The following AMY2B variants were observed in gnomAD, a reference collection of about 807,000 sequenced individuals.
AMY2B encodes the protein amylase alpha 2B.
In AMY2B, 63 loss-of-function variants were observed where a neutral mutation model predicts 59.3. The observed-to-expected ratio is 1.06, with a 90% CI of 0.87 to 1.31. The LOEUF (loss-of-function observed/expected upper bound fraction) is 1.31. AMY2B is among the 50% of genes most tolerant of loss of function. The probability of loss-of-function intolerance (pLI) is 0.00; values close to 1 mark genes in which losing one functional copy is unlikely to be tolerated. For missense variants in AMY2B, 635 were observed against 626.7 expected, an observed-to-expected ratio of 1.01 and a Z score of -0.14; for synonymous variants, 180 against 198.1, an observed-to-expected ratio of 0.91 and a Z score of 0.77.
chr1:103,567,830 T>G (rs1651961195), upstream of AMY2B, among the ~76,000 whole-genome samples: 1 of 152,210 alleles, frequency 6.6e-6, no homozygotes, highest in African/African-American at 2.4e-5. Context: ...CACACTGATT[T>G]CTTTTTAATG....
intron 7 of AMY2B, chr1:103,575,768 G>C: frequency 4.3e-5 from 22 of 514,466 alleles, no homozygotes; most frequent in Non-Finnish European, 4.9e-5. Context: ...CATCCCCCTA[G>C]CCCACAGGAA....
chr1:103,565,611 A>T (rs1189419463), intron 2 of AMY2B: 1 of 152,162 alleles, frequency 6.6e-6, no homozygotes, highest in Non-Finnish European at 1.5e-5. Flanking sequence ...TCACAACACA[A>T]TGTATGATCT....
At chr1:103,570,210 C>CAA, upstream of AMY2B, 1 of 508,814 alleles carries the variant, frequency 2.0e-6, no homozygotes, top group Non-Finnish European at 3.9e-6. Context: ...GCTATGTTGC[C>CAA]CTGGACTTTG....
chr1:103,572,028 T>C (rs1652154158), intron 1 of AMY2B, 82 bp from the exon 2 acceptor site: 1 of 1,591,416 alleles, frequency 6.3e-7, no homozygotes, highest in Non-Finnish European at 8.5e-7. Context: ...TTCAAGAATT[T>C]TTTATATTAT....
intron 1 of AMY2B, among the ~76,000 whole-genome samples, chr1:103,557,611 C>T (rs1651600182): frequency 6.6e-6 from 1 of 151,452 alleles, no homozygotes; most frequent in Admixed American, 6.6e-5. Flanking sequence ...CGAGATTGGG[C>T]CACTGCACTC....
At chr1:103,576,960 G>C (rs187931205) in intron 7 of AMY2B, among the ~76,000 whole-genome samples, 3 of 152,296 alleles carry the variant, frequency 2.0e-5, no homozygotes, top group Non-Finnish European at 4.4e-5. Context: ...TGCAGGCCAG[G>C]TGCTGTGGCT....
upstream of AMY2B, chr1:103,571,002 GTC>G (rs1321801537): frequency 1.6e-5 from 6 of 385,536 alleles, no homozygotes; most frequent in Non-Finnish European, 1.8e-5. Flanking sequence ...ATGGCCAGCA[GTC>G]TCTGATCTGT....
At chr1:103,574,985 TA>T (rs1177673317) in intron 5 of AMY2B, among the ~76,000 whole-genome samples, 1 of 150,700 alleles carries the variant, frequency 6.6e-6, no homozygotes, top group Non-Finnish European at 1.5e-5. Context: ...ATAGACTACA[TA>T]TGTAGATTAC....
Position 103,574,371 on chromosome 1 carries a change from G to A in AMY2B, c.856G>A (p.Gly286Arg), listed in dbSNP as rs184979235. ...CGGCACAGTTATTCGCAAGTGGAAT[G>A]GAGAGAAGATGTCTTACCTAAAGTA... ...KLGTVIRKWN[G>R]EKMSYLKNWG... The change falls in exon 5 of 10, where the codon GGA becomes AGA. Residue 286 changes from glycine (G) to arginine (R), a missense_variant. Transcript: ENST00000684275. 1.8e-5 allele frequency: 29 copies of A among 1,611,540 alleles called. 1 individual carries two copies. The Middle Eastern group carries it at 6.8e-4, about 38-fold the overall frequency.
At chr1:103,565,970 G>A (rs139859616) in intron 2 of AMY2B, among the ~76,000 whole-genome samples, 1 of 152,048 alleles carries the variant, frequency 6.6e-6, no homozygotes, top group Non-Finnish European at 1.5e-5. Flanking sequence ...ACCTTCTGAG[G>A]TAAGTACTTT....
chr1:103,566,069 CTG>C (rs2101066112), intron 2 of AMY2B, among the ~76,000 whole-genome samples: 1 of 152,248 alleles, frequency 6.6e-6, no homozygotes, highest in South Asian at 2.1e-4. Flanking sequence ...TTCTAAAACA[CTG>C]TATTGACTTC....
chr1:103,558,564 TAAA>T (rs768287139), intron 1 of AMY2B, among the ~76,000 whole-genome samples: 1 of 152,104 alleles, frequency 6.6e-6, no homozygotes, highest in Non-Finnish European at 1.5e-5. Flanking sequence ...TATTTCAGTA[TAAA>T]AAATGATGAC....
chr1:103,564,972 G>T (rs552685038), intron 1 of AMY2B: 1 of 152,112 alleles, frequency 6.6e-6, no homozygotes, highest in East Asian at 1.9e-4. Context: ...GTCCCCATTT[G>T]ACTCTTTATA....
At chr1:103,571,408 G>C, upstream of AMY2B, 3 of 1,260,070 alleles carry the variant, frequency 2.4e-6, no homozygotes, top group Non-Finnish European at 3.3e-6. Context: ...TTTCTAAAAG[G>C]TCATTTAGAT....
At chr1:103,566,344 T>G (rs996364757) in intron 2 of AMY2B, among the ~76,000 whole-genome samples, 7 of 152,154 alleles carry the variant, frequency 4.6e-5, no homozygotes, top group African/African-American at 1.7e-4. Flanking sequence ...CTAGAACAGC[T>G]CTGTCTAATA....
intron 3 of AMY2B, among the ~76,000 whole-genome samples, 179 bp downstream of exon 3, chr1:103,573,439 G>T (rs919830453): frequency 1.6e-4 from 25 of 152,114 alleles, no homozygotes; most frequent in African/African-American, 5.8e-4. Flanking sequence ...ATAGATTTAA[G>T]ATTTTTAATC....
intron 2 of AMY2B, among the ~76,000 whole-genome samples, chr1:103,572,734 C>T (rs763026002): frequency 2.6e-5 from 4 of 152,072 alleles, no homozygotes; most frequent in African/African-American, 4.8e-5. Context: ...TCCTGGTGAC[C>T]GACTGTAATT....
In AMY2B at chr1:103,577,484, A is replaced by G. The variant is rs189611691; in HGVS notation, c.1102-6A>G. On this transcript the variant is annotated splice_polypyrimidine_tract_variant and splice_region_variant and intron_variant, in intron 7 of 9. Transcript: ENST00000684275. ...TTAAAATTTGGCTTTTCACCCCCTAATTAAGGATGTTAATGATTGGGTTGG... is the reference window on the plus strand; with the variant it reads ...TTAAAATTTGGCTTTTCACCCCCTAGTTAAGGATGTTAATGATTGGGTTGG... 1 of 1,611,754 alleles carries G rather than the reference A, an allele frequency of 6.2e-7. No individual in the cohort carries two copies. Among genetic ancestry groups the G allele is most frequent in the Admixed American group, 1.7e-5 (1 of 59,992 alleles).
At chr1:103,573,504 C>A (rs917888708) in intron 3 of AMY2B, among the ~76,000 whole-genome samples, 1 of 152,260 alleles carries the variant, frequency 6.6e-6, no homozygotes, top group East Asian at 1.9e-4. Context: ...AGCTCGTCGA[C>A]TTTATTTCCT....
Sources: gnomAD v4.1 joint callset for allele counts (sites outside exome capture counted in the v4.1 genomes callset) on GRCh38, gnomAD v4.1.1 for gene constraint, MANE v1.5 for transcripts, NCBI Gene and HGNC (gene_info 2026-07-23, HGNC 2026-07-21) for gene names.